PHF21B: variants seen among roughly 807,000 people sequenced by gnomAD.
PHF21B encodes the protein PHD finger protein 4.
In PHF21B, 22 loss-of-function variants were observed where a neutral mutation model predicts 62.2. That is an observed-to-expected ratio of 0.35 (90% CI 0.25 to 0.51). PHF21B has a LOEUF of 0.51. Ranked by LOEUF, PHF21B falls within the 20% of genes least tolerant of loss-of-function variation. The pLI is 0.97. For synonymous variants in PHF21B, 341 were observed against 314.7 expected (o/e 1.08, Z -0.88); for missense variants, 701 against 707.9 (o/e 0.99, Z 0.11).
chr22:44,889,805 A>G, intron 8 of PHF21B, 23 bp from the exon 9 acceptor site: 1 of 1,546,402 alleles, frequency 6.5e-7, no homozygotes, highest in East Asian at 2.5e-5. Context: ...AGAAGGGCGG[A>G]GAACACGTTA....
chr22:44,898,632 T>G (rs999491887), intron 5 of PHF21B, among the ~76,000 whole-genome samples: 13 of 152,202 alleles, frequency 8.5e-5, no homozygotes, highest in Non-Finnish European at 1.8e-4. Flanking sequence ...AATTTTAAAA[T>G]GCATCAATTT....
intron 5 of PHF21B, among the ~76,000 whole-genome samples, chr22:44,898,429 C>A (rs1343360147): frequency 2.0e-5 from 3 of 152,066 alleles, no homozygotes; most frequent in African/African-American, 7.2e-5. Flanking sequence ...GTCTGCCAAG[C>A]TCCACTCAGC....
chr22:44,952,547 T>C (rs1215816228), intron 2 of PHF21B, among the ~76,000 whole-genome samples: 2 of 152,228 alleles, frequency 1.3e-5, no homozygotes, highest in Non-Finnish European at 2.9e-5. Context: ...GACTGAACGA[T>C]GCCCAGCATT....
In PHF21B at chr22:44,896,885, T is replaced by TTTTTTTTTTG. The variant is rs2071069473; in HGVS notation, c.832-803_832-802insCAAAAAAAAA. Among the ~76,000 whole-genome samples, 2 of 142,476 alleles carry TTTTTTTTTTG rather than the reference T, an allele frequency of 1.4e-5. 1 individual carries two copies. Among genetic ancestry groups the TTTTTTTTTTG allele is most frequent in the Non-Finnish European group, 3.0e-5 (2 of 65,654 alleles). 93.5% of individuals were successfully genotyped at this position (142,476 alleles called of 152,430 possible). A position where few individuals can be genotyped will look rare whatever the true frequency, so the allele number is the denominator to read the frequency against. ...GGTGGCACTTAGTTTTATCTGTTTT[T>TTTTTTTTTTG]TTTTTTTTTTTGAGACAGGTTCTCA... On this transcript the variant is annotated intron_variant, in intron 5 of 12. Coordinates refer to ENST00000313237, the MANE Select transcript of PHF21B (RefSeq NM_138415.5).
chr22:44,940,120 A>G (rs575922064), intron 2 of PHF21B, among the ~76,000 whole-genome samples: 1 of 152,330 alleles, frequency 6.6e-6, no homozygotes, highest in African/African-American at 2.4e-5. Flanking sequence ...TGTGAAATGC[A>G]GAAGTGCTTA....
At chr22:45,000,723 G>C (rs530011986) in intron 2 of PHF21B, 1 of 152,178 alleles carries the variant, frequency 6.6e-6, no homozygotes, top group South Asian at 2.1e-4. Context: ...ACCTTTACGG[G>C]GGCAAAAAGC....
intron 2 of PHF21B, among the ~76,000 whole-genome samples, chr22:45,007,383 G>A (rs1160418047): frequency 6.6e-6 from 1 of 150,956 alleles, no homozygotes; most frequent in East Asian, 2.0e-4. Flanking sequence ...AAATCCCCCG[G>A]GGGAGGGGGC....
At chr22:45,001,518 G>T (rs1008137152) in intron 2 of PHF21B, among the ~76,000 whole-genome samples, 1 of 152,122 alleles carries the variant, frequency 6.6e-6, no homozygotes, top group Non-Finnish European at 1.5e-5. Context: ...ACTGGGCCTC[G>T]ACAGGTGACT....
intron 5 of PHF21B, among the ~76,000 whole-genome samples, chr22:44,896,621 A>C (rs1017291590): frequency 1.3e-5 from 2 of 152,190 alleles, no homozygotes; most frequent in African/African-American, 4.8e-5. Context: ...CCTTCATTTT[A>C]TTTAATAATA....
At chr22:44,915,242 A>G (rs1044169403) in intron 4 of PHF21B, among the ~76,000 whole-genome samples, 1 of 152,266 alleles carries the variant, frequency 6.6e-6, no homozygotes, top group Non-Finnish European at 1.5e-5. Context: ...AAAAGGGCAA[A>G]GAATATTCTC....
intron 2 of PHF21B, among the ~76,000 whole-genome samples, chr22:44,924,554 C>T (rs905301418): frequency 1.3e-5 from 2 of 151,688 alleles, no homozygotes; most frequent in Non-Finnish European, 2.9e-5. Flanking sequence ...GAGTTTGTGT[C>T]CTCTCTCTCT....
chr22:45,004,216 T>C (rs1359456058), intron 2 of PHF21B, among the ~76,000 whole-genome samples: 1 of 152,172 alleles, frequency 6.6e-6, no homozygotes, highest in Non-Finnish European at 1.5e-5. Context: ...ACACTTTAAA[T>C]GGGTGAGTAA....
chr22:44,968,679 CAT>C (rs1283892554), intron 2 of PHF21B, among the ~76,000 whole-genome samples: 3 of 150,042 alleles, frequency 2.0e-5, no homozygotes, highest in Non-Finnish European at 3.0e-5. Context: ...TGGGACCATA[CAT>C]GTTTTGGAAT....
chr22:44,952,118 A>G (rs2072206637), intron 2 of PHF21B, among the ~76,000 whole-genome samples: 1 of 152,164 alleles, frequency 6.6e-6, no homozygotes, highest in Admixed American at 6.6e-5. Context: ...CAAGGCAGGT[A>G]TATCACCTGA....
intron 2 of PHF21B, among the ~76,000 whole-genome samples, chr22:44,933,815 G>T (rs900436847): frequency 6.6e-6 from 1 of 152,128 alleles, no homozygotes; most frequent in African/African-American, 2.4e-5. Flanking sequence ...GAATCTGTGT[G>T]TACCCTGCAC....
rs768068033 is a variant in PHF21B at position 44,913,933 on chromosome 22, C to T, written c.720G>A (p.Thr240=). ...GCGACTCTGCCGTGCTCTCGGGCTG[C>T]GTCTGCACTTGAGGCTGAATGATGA... ...QVIIIQPQVQ[T]QPESTAESRP... is the part of the protein sequence containing the mutation. Residue 240 remains threonine (T), a synonymous_variant, in exon 5 of 13, where the codon ACG becomes ACA. Coordinates refer to ENST00000313237, the MANE Select transcript of PHF21B (RefSeq NM_138415.5). 10 of 1,583,092 alleles carry T rather than the reference C, an allele frequency of 6.3e-6. No individual in the cohort carries two copies. The highest frequency in any genetic ancestry group is 5.5e-5 in the African/African-American group (4 of 73,048).
At chr22:44,994,872 C>T (rs1888466791) in intron 2 of PHF21B, among the ~76,000 whole-genome samples, 1 of 152,252 alleles carries the variant, frequency 6.6e-6, no homozygotes, top group South Asian at 2.1e-4. Flanking sequence ...GATAAAAATA[C>T]CCAAACTTGG....
At chr22:44,984,071 TCACCAC>T (rs1166871114) in intron 2 of PHF21B, among the ~76,000 whole-genome samples, 1 of 136,822 alleles carries the variant, frequency 7.3e-6, no homozygotes, top group Non-Finnish European at 1.6e-5. Flanking sequence ...ATCATCACCA[TCACCAC>T]CACCATCACC....
chr22:44,989,485 T>C (rs2073007742), intron 2 of PHF21B: 1 of 152,148 alleles, frequency 6.6e-6, no homozygotes, highest in Admixed American at 6.5e-5. Context: ...TTAGTTGTTG[T>C]TCATGAATGA....
Sources: allele counts gnomAD v4.1 joint callset (sites outside exome capture counted in the v4.1 genomes callset), GRCh38; gene constraint gnomAD v4.1.1; transcripts MANE v1.5; gene names NCBI Gene and HGNC (gene_info 2026-07-23, HGNC 2026-07-21).